Variants in CLNK observed in about 807,000 individuals in gnomAD.
The protein encoded by CLNK is cytokine-dependent hematopoietic cell linker.
A neutral mutation model predicts 68.6 loss-of-function variants in CLNK; 74 were observed. That is an observed-to-expected ratio of 1.08 (90% confidence interval 0.89 to 1.31). CLNK has a LOEUF of 1.31. CLNK is among the 50% of genes most tolerant of loss of function. CLNK has a pLI of 0.00. For missense variants in CLNK, 553 were observed against 515.3 expected, an observed-to-expected ratio of 1.07 and a Z score of -0.71; for synonymous variants, 198 against 172.2, an observed-to-expected ratio of 1.15 and a Z score of -1.17.
chr4:10,682,107 T>G (rs1725112872), intron 1 of CLNK, among the ~76,000 whole-genome samples: 1 of 139,228 alleles, frequency 7.2e-6, no homozygotes, highest in South Asian at 2.5e-4. Context: ...GATAGCTCTA[T>G]TCCACAATTC....
chr4:10,710,708 C>T, the CLNK span, among the ~76,000 whole-genome samples: 28 of 152,194 alleles, frequency 1.8e-4, no homozygotes, highest in Non-Finnish European at 2.9e-5. Context: ...CTGAGCCAGC[C>T]TCCCAGAGGT....
At position 10,487,917 on chromosome 4, in the gene CLNK, A is replaced by C. The variant is rs1716422342; in HGVS notation, c.*2550T>G. 1 of 151,172 alleles carries C rather than the reference A, an allele frequency of 6.6e-6. No individual in the cohort carries two copies. Among genetic ancestry groups the C allele is most frequent in the African/African-American group, 2.4e-5 (1 of 41,100 alleles). The allele number at this position is 151,172 out of a possible 1,614,324, so 9.4% of individuals were successfully genotyped here. On this transcript the variant is annotated 3_prime_UTR_variant, in exon 19 of 19. Transcript: ENST00000226951. ...TCCCTTTTATCTTTCTCAAACATTA[A>C]CCTCCAATCAGTGTTTGCACTTCTA...
intron 8 of CLNK, among the ~76,000 whole-genome samples, chr4:10,553,818 G>A (rs918853808): frequency 5.3e-5 from 8 of 152,176 alleles, no homozygotes; most frequent in Admixed American, 5.2e-4. Flanking sequence ...TGTACTTTGA[G>A]CTACTTAGAG....
At chr4:10,707,400 A>G in the CLNK span, among the ~76,000 whole-genome samples, 2 of 152,232 alleles carry the variant, frequency 1.3e-5, no homozygotes, top group East Asian at 1.9e-4. Flanking sequence ...AAATCTTTGA[A>G]TCCATCAATT....
chr4:10,598,510 T>A (rs1721468064), intron 2 of CLNK, among the ~76,000 whole-genome samples: 1 of 152,210 alleles, frequency 6.6e-6, no homozygotes, highest in Non-Finnish European at 1.5e-5. Flanking sequence ...TTGGTTGAAT[T>A]TCATAAAAAT....
At chr4:10,543,187 G>C (rs747716100) in intron 8 of CLNK, among the ~76,000 whole-genome samples, 7 of 152,142 alleles carry the variant, frequency 4.6e-5, no homozygotes, top group Non-Finnish European at 8.8e-5. Flanking sequence ...AATCTGATAA[G>C]GATGTCAAGT....
chr4:10,586,344 T>C (rs1447156872), intron 3 of CLNK, among the ~76,000 whole-genome samples: 2 of 148,066 alleles, frequency 1.4e-5, no homozygotes, highest in Non-Finnish European at 3.0e-5. Context: ...TTCTTTTTTT[T>C]TTTTTTTTTT....
At chr4:10,650,642 TGAA>T (rs1723691857) in intron 2 of CLNK, among the ~76,000 whole-genome samples, 1 of 152,174 alleles carries the variant, frequency 6.6e-6, no homozygotes, top group African/African-American at 2.4e-5. Flanking sequence ...TAAATTCTAA[TGAA>T]GTTATCATTG....
chr4:10,708,249 T>A, the CLNK span, among the ~76,000 whole-genome samples: 1 of 152,232 alleles, frequency 6.6e-6, no homozygotes, highest in East Asian at 1.9e-4. Context: ...ATAATTTTTA[T>A]GTCAAAAGAC....
chr4:10,519,216 G>T (rs1717962116), intron 15 of CLNK, among the ~76,000 whole-genome samples: 1 of 152,212 alleles, frequency 6.6e-6, no homozygotes, highest in Non-Finnish European at 1.5e-5. Flanking sequence ...CAGTACAGAT[G>T]ATCTACTTAC....
At chr4:10,616,460 A>C (rs139339928) in intron 2 of CLNK, among the ~76,000 whole-genome samples, 181 of 152,326 alleles carry the variant, frequency 1.2e-3, no homozygotes, top group African/African-American at 4.2e-3. Context: ...TATCTGATTC[A>C]ACAAAGAAGC....
chr4:10,672,914 G>A (rs1220077877), intron 1 of CLNK, among the ~76,000 whole-genome samples: 2 of 152,144 alleles, frequency 1.3e-5, no homozygotes, highest in African/African-American at 2.4e-5. Flanking sequence ...TCACCTTGCT[G>A]TTCCAAACAC....
intron 4 of CLNK, among the ~76,000 whole-genome samples, chr4:10,578,761 G>A (rs1720671211): frequency 6.6e-6 from 1 of 151,600 alleles, no homozygotes; most frequent in Admixed American, 6.6e-5. Flanking sequence ...TAGTAAAGAT[G>A]GGATTTTACC....
intron 16 of CLNK, among the ~76,000 whole-genome samples, chr4:10,508,395 C>G (rs1717406019): frequency 6.6e-6 from 1 of 152,174 alleles, no homozygotes; most frequent in African/African-American, 2.4e-5. Flanking sequence ...GAAGCCTACA[C>G]TGCCCTAGTC....
chr4:10,682,142 T>C (rs1725117548), intron 1 of CLNK, among the ~76,000 whole-genome samples: 1 of 151,956 alleles, frequency 6.6e-6, no homozygotes, highest in Admixed American at 6.6e-5. Context: ...TATGTGTGTG[T>C]GTGTGTGTGT....
At chr4:10,676,046 A>AGT (rs34091285) in intron 1 of CLNK, among the ~76,000 whole-genome samples, 14,162 of 148,720 alleles carry the variant, frequency 0.095, 668 homozygotes, top group Non-Finnish European at 0.13. Context: ...GAGCCAGAAG[A>AGT]GTGTGTGTGT....
the CLNK span, among the ~76,000 whole-genome samples, chr4:10,732,571 G>A: frequency 6.6e-6 from 1 of 152,152 alleles, no homozygotes; most frequent in Non-Finnish European, 1.5e-5. Flanking sequence ...TCTGAATGGG[G>A]ACTAGCCTTT....
intron 7 of CLNK, among the ~76,000 whole-genome samples, chr4:10,559,960 T>C (rs139485609): frequency 3.7e-4 from 57 of 152,254 alleles, no homozygotes; most frequent in African/African-American, 1.3e-3. Flanking sequence ...CTACTAGATG[T>C]CAGTAGAACT....
At chr4:10,703,397 A>T in the CLNK span, among the ~76,000 whole-genome samples, 1 of 152,110 alleles carries the variant, frequency 6.6e-6, no homozygotes, top group Non-Finnish European at 1.5e-5. Context: ...TTCTCAGGAG[A>T]AACACGTTTT....
Sources: allele counts gnomAD v4.1 joint callset (sites outside exome capture counted in the v4.1 genomes callset), GRCh38; gene constraint gnomAD v4.1.1; transcripts MANE v1.5; gene names NCBI Gene and HGNC (gene_info 2026-07-23, HGNC 2026-07-21).